Variants in DPEP2 observed in about 807,000 individuals in gnomAD.
DPEP2 encodes the protein dipeptidase 2.
A neutral mutation model predicts 51.8 loss-of-function variants in DPEP2; 45 were observed. The observed-to-expected ratio is 0.87, with a 90% CI of 0.68 to 1.11. The LOEUF (loss-of-function observed/expected upper bound fraction) is 1.11. Among genes scored for constraint, DPEP2 ranks in the 50% most tolerant of loss-of-function variants. The pLI, the probability that DPEP2 is intolerant of heterozygous loss-of-function variation, is 0.00. For missense variants in DPEP2, 604 were observed against 631.9 expected (o/e 0.96, Z 0.47); for synonymous variants, 255 against 262.7 (o/e 0.97, Z 0.28).
intron 1 of DPEP2, 83 bp from the exon 2 acceptor site, chr16:67,993,340 G>A (rs2032430862): frequency 1.5e-6 from 2 of 1,317,842 alleles, no homozygotes; most frequent in Non-Finnish European, 1.9e-6. Flanking sequence ...GGCCTCAAGA[G>A]GAGGGTAACG....
chr16:67,993,322 G>T (rs2032428028), intron 1 of DPEP2, 65 bp from the exon 2 acceptor site: 4 of 1,328,320 alleles, frequency 3.0e-6, no homozygotes, highest in Non-Finnish European at 3.8e-6. Flanking sequence ...CAGGCCACCT[G>T]GCGGCGTGGC....
intron 1 of DPEP2, among the ~76,000 whole-genome samples, chr16:67,995,422 C>T (rs1275054470): frequency 6.6e-6 from 1 of 152,038 alleles, no homozygotes; most frequent in Non-Finnish European, 1.5e-5. Flanking sequence ...AACAGTAGGG[C>T]GTGTCCCAGA....
rs975528770 is a variant in DPEP2, at chr16:67,991,710, C to T, written c.662+128G>A. On this transcript the variant is annotated intron_variant, in intron 5 of 10. Transcript: ENST00000393847. The surrounding 1 kb of genome is among the most constrained non-coding windows in gnomAD (Gnocchi z 5.1). ...AAGTCGTATTCTGAAAACCAGAATC[C>T]CAGCTCCCCTCCCCACTCCAGAGTC... is the stretch of plus-strand genomic sequence containing the variant. 25 of 1,376,438 alleles carry T rather than the reference C, an allele frequency of 1.8e-5. No homozygotes were observed. Among genetic ancestry groups the T allele is most frequent in the Non-Finnish European group, 2.1e-5 (22 of 1,030,106 alleles). The allele number at this position is 1,376,438 out of a possible 1,614,324, so 85.3% of individuals were successfully genotyped here. A position where few individuals can be genotyped will look rare whatever the true frequency, so the allele number is the denominator to read the frequency against.
At chr16:67,996,095 G>A (rs2032675701) in intron 1 of DPEP2, among the ~76,000 whole-genome samples, 1 of 151,912 alleles carries the variant, frequency 6.6e-6, no homozygotes, top group Admixed American at 6.6e-5. Flanking sequence ...CTGGACTGCA[G>A]TGGTGCAGTC....
chr16:67,996,999 A>ATAT (rs35421512), intron 1 of DPEP2, among the ~76,000 whole-genome samples: 25,477 of 138,856 alleles, frequency 0.18, 2,319 homozygotes, highest in Middle Eastern at 0.23. Context: ...ATAGATAATG[A>ATAT]TATTATTATT....
intron 1 of DPEP2, among the ~76,000 whole-genome samples, chr16:67,995,823 G>A (rs2032656267): frequency 6.6e-6 from 1 of 151,972 alleles, no homozygotes; most frequent in South Asian, 2.1e-4. Context: ...CATTAGCCGG[G>A]CTTGGTGGTG....
chr16:67,988,930 GAAGA>G (rs2031770446), intron 9 of DPEP2, among the ~76,000 whole-genome samples: 1 of 151,312 alleles, frequency 6.6e-6, no homozygotes, highest in South Asian at 2.1e-4. Context: ...AGAAGAAAAG[GAAGA>G]AAGAAGGAGG....
intron 8 of DPEP2, among the ~76,000 whole-genome samples, chr16:67,989,700 A>G (rs1183316889): frequency 2.0e-5 from 3 of 152,100 alleles, no homozygotes; most frequent in Non-Finnish European, 4.4e-5. Context: ...ACTCTTTTCT[A>G]TGGTTGTGGG....
chr16:68,000,421 C>G, upstream of DPEP2: 2 of 985,234 alleles, frequency 2.0e-6, no homozygotes, highest in South Asian at 9.4e-5. Context: ...GCTCAGAGCG[C>G]AGAGGTGGGG....
chr16:67,994,317 G>C (rs2032534969), intron 1 of DPEP2: 1 of 985,206 alleles, frequency 1.0e-6, no homozygotes. Context: ...CCTGTGGCTT[G>C]AGCTCTCACA....
intron 1 of DPEP2, among the ~76,000 whole-genome samples, chr16:67,998,243 C>T (rs2032812529): frequency 6.6e-6 from 1 of 151,954 alleles, no homozygotes; most frequent in Admixed American, 6.6e-5. Context: ...ACCGGGGCTG[C>T]GAGCGGCGCT....
intron 1 of DPEP2, among the ~76,000 whole-genome samples, chr16:67,996,639 C>A (rs2032712614): frequency 1.3e-5 from 2 of 152,060 alleles, no homozygotes; most frequent in South Asian, 4.2e-4. Context: ...ACCACGGCCT[C>A]CCAAAGCGCT....
chr16:67,987,457 G>T lies in DPEP2; in HGVS notation c.*49C>A. ...GCCTGCACAACAGGGGAACTTTGTG[G>T]GGTGTCTGTGGCTTGCTACAGTGAC... On this transcript the variant is annotated 3_prime_UTR_variant, in exon 11 of 11. Coordinates refer to ENST00000393847, the MANE Select transcript of DPEP2 (RefSeq NM_022355.4). 1 of 1,573,196 alleles carries T rather than the reference G, an allele frequency of 6.4e-7. No individual in the cohort carries two copies.
Position 67,990,075 on chromosome 16 carries a change from G to T in DPEP2, c.966C>A (p.Asn322Lys), listed in dbSNP as rs182720433. The T allele has an allele frequency of 1.2e-6, 2 of 1,614,178 alleles. No individual in the cohort carries two copies. The highest frequency in any genetic ancestry group is 2.7e-5 in the African/African-American group (2 of 75,056). ...CCACAGTGGACACATTGGCTGATGG[G>T]TTGCACTGTATTACTCCCATGGACA... ...VSLSMGVIQC[N>K]PSANVSTVAD... The change falls in exon 8 of 11, where the codon AAC becomes AAA. Residue 322 changes from asparagine (N) to lysine (K), a missense_variant. Asn to Lys is a moderately conservative substitution (Grantham distance 94). Coordinates refer to ENST00000393847, the MANE Select transcript of DPEP2 (RefSeq NM_022355.4).
chr16:67,997,492 G>A (rs1047053010), intron 1 of DPEP2, among the ~76,000 whole-genome samples: 1 of 152,148 alleles, frequency 6.6e-6, no homozygotes, highest in African/African-American at 2.4e-5. Flanking sequence ...GAGTAGCTGG[G>A]ACTATAGGTG....
Position 67,987,550 on chromosome 16 carries a change from G to T in DPEP2, c.1417C>A (p.Leu473Ile). Residue 473 changes from leucine to isoleucine, a missense_variant, in exon 11 of 11, where the codon CTT becomes ATT. Leu to Ile is a conservative substitution (Grantham distance 5). Transcript: ENST00000393847. ...ACTGGGAAGGTGGCCACAACTGCAAGGACTGGGGCCATGTGGGGGGAGGAC... is the reference window on the plus strand; with the variant it reads ...ACTGGGAAGGTGGCCACAACTGCAATGACTGGGGCCATGTGGGGGGAGGAC... ...SESSPHMAPV[L>I]AVVATFPVLI... 1 of 1,614,202 alleles carries T rather than the reference G, an allele frequency of 6.2e-7. No homozygotes were observed. Among genetic ancestry groups the T allele is most frequent in the Non-Finnish European group, 8.5e-7 (1 of 1,180,018 alleles).
In DPEP2 at chr16:67,993,038, C is replaced by T. The variant is rs762116484; in HGVS notation, c.175G>A (p.Ala59Thr). 14 of 1,584,162 alleles carry T rather than the reference C, an allele frequency of 8.8e-6. No homozygotes were observed. The highest frequency in any genetic ancestry group is 5.4e-5 in the Admixed American group (3 of 55,798). Residue 59 changes from alanine (A) to threonine (T), a missense_variant, in exon 2 of 11, where the codon GCT (alanine) becomes ACT (threonine). Transcript: ENST00000393847. Reference protein sequence around the residue: ...PRAHTMPGTYAPSTTLSSPST... With the variant: ...PRAHTMPGTYTPSTTLSSPST... ...GGACTACTGAGTGTGGTCGAGGGAG[C>T]GTAGGTGCCCGGCATGGTGTGGGCT... is the stretch of plus-strand genomic sequence containing the variant.
upstream of DPEP2, among the ~76,000 whole-genome samples, chr16:68,000,064 C>A (rs550347224): frequency 2.6e-4 from 39 of 152,252 alleles, no homozygotes; most frequent in Middle Eastern, 0.024. Context: ...ACAAACTTTC[C>A]TGTCCTCCAA....
In DPEP2 at chr16:67,987,965, C is replaced by T. The variant is rs201163956; in HGVS notation, c.1093G>A (p.Val365Met). Reference sequence around the variant, plus strand: ...TCTATCAGGACCGGGTATGTGGACACGTCTTCCAGCCCCTGAGGGAATCTG... The same window carrying T: ...TCTATCAGGACCGGGTATGTGGACATGTCTTCCAGCCCCTGAGGGAATCTG... ...AGKFPQGLED[V>M]STYPVLIEEL... is the part of the protein sequence containing the mutation. The change falls in exon 10 of 11, where the codon GTG becomes ATG. Residue 365 changes from valine (V) to methionine (M), a missense_variant. Coordinates refer to ENST00000393847, the MANE Select transcript of DPEP2 (RefSeq NM_022355.4). 2.3e-5 allele frequency: 37 copies of T among 1,614,048 alleles called. 1 individual carries two copies. Among genetic ancestry groups the T allele is most frequent in the Admixed American group, 1.0e-4 (6 of 60,000 alleles).
Sources: allele counts gnomAD v4.1 joint callset (sites outside exome capture counted in the v4.1 genomes callset), GRCh38; gene constraint gnomAD v4.1.1; non-coding constraint Gnocchi (gnomAD v3.1); transcripts MANE v1.5; gene names NCBI Gene and HGNC (gene_info 2026-07-23, HGNC 2026-07-21).